Variants in CTNNA3 observed in about 807,000 individuals in gnomAD.
CTNNA3 encodes the protein catenin alpha 3.
Under a neutral mutation model 95.7 loss-of-function variants are expected in CTNNA3, and 76 were observed. The observed-to-expected ratio is 0.79, with a 90% CI of 0.66 to 0.96. The LOEUF is 0.96. Among genes scored for constraint, CTNNA3 ranks in the 40% least tolerant of loss-of-function variants. CTNNA3 has a pLI of 0.00. For missense variants in CTNNA3, 1,191 were observed against 1,089.8 expected (o/e 1.09, Z -1.31); for synonymous variants, 431 against 374.4 (o/e 1.15, Z -1.74).
chr10:67,534,106 G>A (rs1481451756), intron 4 of CTNNA3, among the ~76,000 whole-genome samples: 1 of 151,716 alleles, frequency 6.6e-6, no homozygotes. Context: ...AAGACAAGGA[G>A]AAGAAAGGCA....
chr10:67,640,939 G>A (rs1026258978), intron 2 of CTNNA3, among the ~76,000 whole-genome samples: 6 of 152,164 alleles, frequency 3.9e-5, no homozygotes, highest in Non-Finnish European at 8.8e-5. Flanking sequence ...CAGGACATAG[G>A]CATGGGCAAG....
chr10:66,387,332 A>G (rs1178444371), intron 11 of CTNNA3, among the ~76,000 whole-genome samples: 3 of 152,220 alleles, frequency 2.0e-5, no homozygotes, highest in African/African-American at 7.2e-5. Flanking sequence ...CAGTCAACAG[A>G]CACATGAAAA....
intron 6 of CTNNA3, among the ~76,000 whole-genome samples, chr10:67,181,052 C>T (rs1332841116): frequency 6.6e-6 from 1 of 152,026 alleles, no homozygotes; most frequent in Non-Finnish European, 1.5e-5. Context: ...GCTGTCTTAC[C>T]CAAGGTCATA....
intron 7 of CTNNA3, among the ~76,000 whole-genome samples, chr10:67,151,242 TG>T (rs1370988256): frequency 6.6e-6 from 1 of 152,210 alleles, no homozygotes; most frequent in Non-Finnish European, 1.5e-5. Flanking sequence ...AATCCTTAAA[TG>T]TCAATATGCC....
chr10:67,640,977 A>G (rs1345856779), intron 2 of CTNNA3, among the ~76,000 whole-genome samples: 4 of 152,164 alleles, frequency 2.6e-5, no homozygotes, highest in Admixed American at 6.5e-5. Flanking sequence ...ACCAAAAGCA[A>G]TGGCAACAAA....
intron 5 of CTNNA3, among the ~76,000 whole-genome samples, chr10:67,256,484 C>T (rs1313050849): frequency 6.6e-6 from 1 of 152,058 alleles, no homozygotes; most frequent in East Asian, 1.9e-4. Context: ...GCTTCAGCTC[C>T]TTTTTGCATA....
At chr10:66,388,131 T>C (rs866879974) in intron 11 of CTNNA3, among the ~76,000 whole-genome samples, 16 of 152,168 alleles carry the variant, frequency 1.1e-4, no homozygotes, top group South Asian at 8.3e-4. Context: ...TTCAAGTATA[T>C]TGGCAAGGTT....
intron 5 of CTNNA3, among the ~76,000 whole-genome samples, chr10:67,471,946 T>A (rs1847844025): frequency 6.6e-6 from 1 of 152,208 alleles, no homozygotes; most frequent in African/African-American, 2.4e-5. Flanking sequence ...TGCTCTTTAG[T>A]CTCCTACAAA....
At chr10:67,374,289 A>T (rs10159679) in intron 5 of CTNNA3, among the ~76,000 whole-genome samples, 11,827 of 152,214 alleles carry the variant, frequency 0.078, 718 homozygotes, top group African/African-American at 0.17. Flanking sequence ...TATTTATAAC[A>T]ACAGGTAGCC....
intron 8 of CTNNA3, among the ~76,000 whole-genome samples, chr10:66,771,041 G>C (rs1477073446): frequency 6.6e-6 from 1 of 152,074 alleles, no homozygotes; most frequent in Non-Finnish European, 1.5e-5. Flanking sequence ...TGAGGATGAT[G>C]ACCAGGAGGT....
intron 13 of CTNNA3, among the ~76,000 whole-genome samples, chr10:66,166,022 T>C (rs2085109264): frequency 6.6e-6 from 1 of 151,932 alleles, no homozygotes; most frequent in Non-Finnish European, 1.5e-5. Flanking sequence ...CTCTTCGGCC[T>C]CCCAAAGTGC....
At position 67,438,863 on chromosome 10, in the gene CTNNA3, G is replaced by T. The variant is rs577566911; in HGVS notation, c.579+82979C>A. Among the ~76,000 whole-genome samples, 10 of 152,294 alleles carry T rather than the reference G, an allele frequency of 6.6e-5. 1 individual carries two copies. The South Asian group carries it at 2.1e-3, about 32-fold the overall frequency. On this transcript the variant is annotated intron_variant, in intron 5 of 17. Transcript: ENST00000433211. ...CTCCTGCCCAAAAAGGGAACATTTGGACAAGCCCTAGCCAGAGGGAAATCG... is the reference window on the plus strand; with the variant it reads ...CTCCTGCCCAAAAAGGGAACATTTGTACAAGCCCTAGCCAGAGGGAAATCG...
chr10:67,392,943 T>C (rs934233918), intron 5 of CTNNA3, among the ~76,000 whole-genome samples: 27 of 152,044 alleles, frequency 1.8e-4, no homozygotes, highest in African/African-American at 6.3e-4. Flanking sequence ...CATTGGGAGA[T>C]ATACCTAATG....
intron 9 of CTNNA3, among the ~76,000 whole-genome samples, chr10:66,680,021 G>A (rs896239602): frequency 6.6e-6 from 1 of 151,840 alleles, no homozygotes; most frequent in African/African-American, 2.4e-5. Context: ...TTTTTGACAC[G>A]GATTCTCTGT....
At chr10:67,498,007 C>T (rs1839090744) in intron 5 of CTNNA3, among the ~76,000 whole-genome samples, 1 of 152,190 alleles carries the variant, frequency 6.6e-6, no homozygotes, top group South Asian at 2.1e-4. Flanking sequence ...AAAGTCCTTG[C>T]CCATGCCTAT....
At chr10:66,334,198 CT>C (rs2092367652) in intron 12 of CTNNA3, among the ~76,000 whole-genome samples, 1 of 151,806 alleles carries the variant, frequency 6.6e-6, no homozygotes, top group Admixed American at 6.6e-5. Flanking sequence ...GCCAGTCTGT[CT>C]TTTAATTGGA....
intron 5 of CTNNA3, among the ~76,000 whole-genome samples, chr10:67,367,858 A>G (rs956200126): frequency 4.5e-4 from 68 of 152,202 alleles, no homozygotes; most frequent in Admixed American, 4.3e-3. Context: ...TTGGATGCAC[A>G]TGGGCATAAA....
intron 6 of CTNNA3, among the ~76,000 whole-genome samples, chr10:67,218,804 G>A (rs1262005810): frequency 1.3e-5 from 2 of 152,170 alleles, no homozygotes; most frequent in African/African-American, 4.8e-5. Flanking sequence ...CCTCCAGCCT[G>A]GTTTTTCAGT....
intron 7 of CTNNA3, among the ~76,000 whole-genome samples, chr10:67,143,314 C>A (rs565440786): frequency 2.0e-5 from 3 of 150,252 alleles, no homozygotes; most frequent in Admixed American, 6.7e-5. Flanking sequence ...CCCAGCTACT[C>A]GAGAGGCTGG....
Sources: allele counts gnomAD v4.1 joint callset (sites outside exome capture counted in the v4.1 genomes callset), GRCh38; gene constraint gnomAD v4.1.1; transcripts MANE v1.5; gene names NCBI Gene and HGNC (gene_info 2026-07-23, HGNC 2026-07-21).